The following PPP2R2B variants were observed in gnomAD, a reference collection of about 807,000 sequenced individuals.
PPP2R2B encodes the protein serine/threonine-protein phosphatase 2A 55 kDa regulatory subunit B beta isoform.
A neutral mutation model predicts 46.0 loss-of-function variants in PPP2R2B; 5 were observed. That is an observed-to-expected ratio of 0.11 (90% confidence interval 0.06 to 0.23). The LOEUF is 0.23. Among genes scored for constraint, PPP2R2B ranks in the 10% least tolerant of loss-of-function variants. The pLI is 1.00. For missense variants in PPP2R2B, 367 were observed against 575.0 expected, an observed-to-expected ratio of 0.64 and a Z score of 3.70; for synonymous variants, 215 against 206.7, an observed-to-expected ratio of 1.04 and a Z score of -0.34.
At chr5:146,972,423 A>G (rs905414403) in intron 1 of PPP2R2B, among the ~76,000 whole-genome samples, 6 of 152,112 alleles carry the variant, frequency 3.9e-5, no homozygotes, top group African/African-American at 1.4e-4. Context: ...CTCAAGAGGG[A>G]GATGTTGGCT....
intron 1 of PPP2R2B, chr5:147,081,252 C>T (rs1403616179): frequency 2.0e-6 from 3 of 1,535,626 alleles, no homozygotes; most frequent in Admixed American, 2.0e-5. Flanking sequence ...AGGAGACTTG[C>T]ACACCAGGTA....
chr5:146,693,853 C>G (rs1461977741), intron 4 of PPP2R2B, among the ~76,000 whole-genome samples: 1 of 152,214 alleles, frequency 6.6e-6, no homozygotes, highest in Non-Finnish European at 1.5e-5. Context: ...ACATGTTGCT[C>G]TGACAGCTTT....
intron 1 of PPP2R2B, among the ~76,000 whole-genome samples, chr5:147,003,379 C>T (rs765983295): frequency 1.3e-5 from 2 of 152,114 alleles, no homozygotes; most frequent in African/African-American, 4.8e-5. Flanking sequence ...AACCCAGGTA[C>T]GTGTCCCTTC....
intron 1 of PPP2R2B, among the ~76,000 whole-genome samples, chr5:146,883,995 T>C (rs1762245997): frequency 1.3e-5 from 2 of 152,100 alleles, no homozygotes; most frequent in Admixed American, 1.3e-4. Context: ...GTCTTTCTAG[T>C]TCTGCTTTGA....
chr5:146,675,555 C>T (rs1777654892), intron 5 of PPP2R2B, among the ~76,000 whole-genome samples: 1 of 152,150 alleles, frequency 6.6e-6, no homozygotes, highest in Admixed American at 6.5e-5. Context: ...TAGGATGAAA[C>T]ATATAGCAAG....
At chr5:146,794,628 C>G (rs1020227302) in intron 2 of PPP2R2B, among the ~76,000 whole-genome samples, 1 of 151,972 alleles carries the variant, frequency 6.6e-6, no homozygotes, top group East Asian at 1.9e-4. Flanking sequence ...TTGAGTAAGC[C>G]CAGAAAAACA....
intron 6 of PPP2R2B, among the ~76,000 whole-genome samples, chr5:146,649,818 G>A (rs781693331): frequency 3.3e-5 from 5 of 152,110 alleles, no homozygotes; most frequent in East Asian, 1.9e-4. Flanking sequence ...TATCAAATAT[G>A]TCCTTGGGGG....
At position 146,831,321 on chromosome 5, in the gene PPP2R2B, A is replaced by T. The variant is rs542208020; in HGVS notation, c.70+46681T>A. On this transcript the variant is annotated intron_variant, in intron 2 of 9. Transcript: ENST00000394411. Reference sequence around the variant, plus strand: ...AGACCAGCCTGGGCAACATGGCGAAACCCCATCTCTACTAAAAATACAAAA... The same window carrying T: ...AGACCAGCCTGGGCAACATGGCGAATCCCCATCTCTACTAAAAATACAAAA... 2.6e-5 allele frequency among the ~76,000 whole-genome samples: 4 copies of T among 152,028 alleles called. No homozygotes were observed. The South Asian group carries it at 8.3e-4, about 32-fold the overall frequency.
chr5:146,751,892 G>T (rs1216352848), intron 2 of PPP2R2B, among the ~76,000 whole-genome samples: 1 of 152,138 alleles, frequency 6.6e-6, no homozygotes, highest in South Asian at 2.1e-4. Flanking sequence ...AGAGCCTGAC[G>T]CAGGAGCACA....
intron 2 of PPP2R2B, among the ~76,000 whole-genome samples, chr5:146,779,842 G>A (rs1310105369): frequency 6.6e-6 from 1 of 152,116 alleles, no homozygotes; most frequent in Non-Finnish European, 1.5e-5. Flanking sequence ...TTTAATGCCT[G>A]TAATACATAG....
chr5:146,709,117 A>T (rs924049647), intron 2 of PPP2R2B, among the ~76,000 whole-genome samples: 1 of 152,194 alleles, frequency 6.6e-6, no homozygotes, highest in Non-Finnish European at 1.5e-5. Flanking sequence ...GATACTGAAT[A>T]TTCTTCCTTT....
intron 2 of PPP2R2B, among the ~76,000 whole-genome samples, chr5:146,737,212 T>C (rs1364627786): frequency 1.3e-5 from 2 of 152,212 alleles, no homozygotes; most frequent in African/African-American, 4.8e-5. Flanking sequence ...TGAATGTTCA[T>C]TGACTTGTCC....
At position 146,594,892 on chromosome 5, in the gene PPP2R2B, C is replaced by T. The variant is rs187135579; in HGVS notation, c.961-1830G>A. Among the ~76,000 whole-genome samples, 633 of 152,262 alleles carry T rather than the reference C, an allele frequency of 4.2e-3. 3 individuals are homozygous for T. Among genetic ancestry groups the T allele is most frequent in the Non-Finnish European group, 5.1e-3 (344 of 68,018 alleles). ...GGTGTTTAAGTTAAGAGTGATGATT[C>T]GATCTCTTTTTTCCTGCAACTGCGG... On this transcript the variant is annotated intron_variant, in intron 8 of 9. Transcript: ENST00000394411.
intron 1 of PPP2R2B, among the ~76,000 whole-genome samples, chr5:146,911,925 A>G (rs1763196799): frequency 6.6e-6 from 1 of 152,140 alleles, no homozygotes; most frequent in Non-Finnish European, 1.5e-5. Flanking sequence ...TGATTTAAGA[A>G]AGTGTAGAGT....
intron 2 of PPP2R2B, among the ~76,000 whole-genome samples, chr5:146,875,010 T>C (rs1355184236): frequency 2.6e-5 from 4 of 152,202 alleles, no homozygotes; most frequent in African/African-American, 9.6e-5. Context: ...GAATAAGAGC[T>C]GATGGTTAAA....
In PPP2R2B at chr5:146,698,133, C is replaced by T; in HGVS notation, c.180G>A (p.Gln60=). ...IFQREQESKN[Q]VHRRGEYNVY... ...CATTGTATTCACCCCTACGATGAAC[C>T]TGATTTTTACTCTGTAGGAAAGGAA... The change falls in exon 4 of 10, where the codon CAG becomes CAA. Residue 60 remains glutamine, a synonymous_variant. Transcript: ENST00000394411. 1.3e-6 allele frequency: 2 copies of T among 1,592,718 alleles called. No homozygotes were observed. The highest frequency in any genetic ancestry group is 1.1e-5 in the South Asian group (1 of 87,504).
At chr5:146,977,916 G>C (rs1312589417) in intron 1 of PPP2R2B, among the ~76,000 whole-genome samples, 2 of 152,150 alleles carry the variant, frequency 1.3e-5, no homozygotes, top group Non-Finnish European at 2.9e-5. Context: ...GGGCCAAATG[G>C]TATTTCTGGT....
intron 1 of PPP2R2B, among the ~76,000 whole-genome samples, chr5:146,888,954 A>G (rs74518118): frequency 0.017 from 2,610 of 152,280 alleles, 65 homozygotes; most frequent in African/African-American, 0.06. Flanking sequence ...CTCTATCCCT[A>G]TATTGCAACT....
chr5:146,756,453 C>G (rs1207604375), intron 2 of PPP2R2B, among the ~76,000 whole-genome samples: 1 of 152,172 alleles, frequency 6.6e-6, no homozygotes, highest in Admixed American at 6.5e-5. Context: ...GAGGTTTCTT[C>G]ATTTTCCCCA....
Sources: allele counts gnomAD v4.1 joint callset (sites outside exome capture counted in the v4.1 genomes callset), GRCh38; gene constraint gnomAD v4.1.1; transcripts MANE v1.5; gene names NCBI Gene and HGNC (gene_info 2026-07-23, HGNC 2026-07-21).